Variants in NOP56 observed in about 807,000 individuals in gnomAD.
NOP56 encodes NOP56 ribonucleoprotein.
NOP56 carries 31 observed loss-of-function variants against 58.3 expected under a neutral mutation model. The observed-to-expected ratio is 0.53, with a 90% confidence interval of 0.40 to 0.72. The LOEUF is 0.72. NOP56 is among the 30% of genes least tolerant of loss of function. NOP56 has a pLI of 0.00. For missense variants in NOP56, 669 were observed against 739.9 expected (o/e 0.90, Z 1.11); for synonymous variants, 313 against 282.8 (o/e 1.11, Z -1.07).
chr20:2,653,514 AT>A, intron 3 of NOP56, 121 bp downstream of exon 3: 1 of 744,212 alleles, frequency 1.3e-6, no homozygotes, highest in Non-Finnish European at 2.4e-6. Context: ...GTGAGGCAGT[AT>A]TTGAGCCATA....
chr20:2,654,330 G>A (rs763742362), intron 3 of NOP56, 84 bp from the exon 4 acceptor site: 17 of 1,467,236 alleles, frequency 1.2e-5, no homozygotes, highest in Middle Eastern at 1.7e-4. Flanking sequence ...CAGCGTGCTC[G>A]GTGGGACCAG....
intron 3 of NOP56, chr20:2,653,923 GGTTGCA>G: frequency 3.0e-6 from 1 of 336,614 alleles, no homozygotes. Context: ...AAGGTGCTGA[GGTTGCA>G]GGCGCGAGCG....
Position 2,655,334 on chromosome 20 carries a change from C to T in NOP56, c.579C>T (p.Tyr193=), listed in dbSNP as rs2086803147. Residue 193 remains tyrosine, a synonymous_variant, in exon 6 of 12, where the codon TAC becomes TAT. Coordinates refer to ENST00000329276, the MANE Select transcript of NOP56 (RefSeq NM_006392.4). ...CTGTGGCTCTTTGCAGGGAGTGGTA[C>T]GGGTATCACTTTCCGGAGCTGGTGA... is the stretch of plus-strand genomic sequence containing the variant. ...NTFSMRVREW[Y]GYHFPELVKI... 4.3e-6 allele frequency: 7 copies of T among 1,613,966 alleles called. No individual in the cohort carries two copies. Among genetic ancestry groups the T allele is most frequent in the African/African-American group, 2.7e-5 (2 of 74,886 alleles).
At chr20:2,656,115 C>T (rs765683044) in intron 8 of NOP56, 81 bp downstream of exon 8, 4 of 1,613,052 alleles carry the variant, frequency 2.5e-6, no homozygotes, top group Admixed American at 3.3e-5. Context: ...TGATGGCTGA[C>T]CAGGGCTCCC....
In NOP56 at chr20:2,656,051, C is replaced by G; in HGVS notation, c.1010+17C>G. The G allele has an allele frequency of 6.2e-7, 1 of 1,614,114 alleles. No individual in the cohort carries two copies. The highest frequency in any genetic ancestry group is 8.5e-7 in the Non-Finnish European group (1 of 1,180,030). ...CCTGTTCAGGTACCAGTGAGGGCAC[C>G]TGCCCACAATCAGGTGCCACTTCTG... On this transcript the variant is annotated intron_variant, in intron 8 of 11. Coordinates refer to ENST00000329276, the MANE Select transcript of NOP56 (RefSeq NM_006392.4).
intron 1 of NOP56, 24 bp downstream of exon 1, chr20:2,652,687 G>T: frequency 6.8e-7 from 1 of 1,473,518 alleles, no homozygotes; most frequent in Admixed American, 2.6e-5. Context: ...GCGGGGCGCG[G>T]GCGACGCGAC....
intron 8 of NOP56, 112 bp from the exon 9 acceptor site, chr20:2,656,289 T>G (rs1801151594): frequency 6.2e-7 from 1 of 1,603,684 alleles, no homozygotes; most frequent in African/African-American, 1.3e-5. Context: ...AGATCCAATC[T>G]GGCCTGAGGC....
chr20:2,655,949 A>T lies in NOP56; in HGVS notation c.925A>T (p.Ile309Phe). 1 of 1,614,194 alleles carries T rather than the reference A, an allele frequency of 6.2e-7. No individual in the cohort carries two copies. The highest frequency in any genetic ancestry group is 1.1e-5 in the South Asian group (1 of 91,086). ...LIGEAVGARL[I>F]AHAGSLTNLA... is the part of the protein sequence containing the mutation. ...CTCTCTCCAGGTAGGTGCACGTCTC[A>T]TCGCACATGCTGGCAGCCTCACCAA... is the stretch of plus-strand genomic sequence containing the variant. Residue 309 changes from isoleucine (I) to phenylalanine (F), a missense_variant, in exon 8 of 12, where the codon ATC becomes TTC. Ile to Phe is a conservative substitution (Grantham distance 21, BLOSUM62 0). This residue lies in a region of NOP56 where 339 missense variants were observed against 430.5 expected (regional missense o/e 0.79). Transcript: ENST00000329276.
intron 11 of NOP56, 94 bp from the exon 12 acceptor site, chr20:2,657,835 G>A: frequency 2.2e-6 from 3 of 1,389,892 alleles, no homozygotes; most frequent in Non-Finnish European, 2.9e-6. Context: ...ACTGGGCAAT[G>A]TTAACGACAC....
intron 11 of NOP56, chr20:2,657,517 T>C (rs999879009): frequency 4.9e-6 from 3 of 608,734 alleles, no homozygotes; most frequent in Non-Finnish European, 9.2e-6. Context: ...CTGCTTATTA[T>C]CAGACGTGTG....
At position 2,654,675 on chromosome 20, in the gene NOP56, G is replaced by T; in HGVS notation, c.371-74G>T. 1.9e-6 allele frequency: 3 copies of T among 1,606,618 alleles called. No homozygotes were observed. The South Asian group carries it at 3.3e-5, about 18-fold the overall frequency. On this transcript the variant is annotated intron_variant, in intron 4 of 11. Transcript: ENST00000329276. ...GTTGTGATTTCTGGGAAGGCCTTCA[G>T]GCTGGGCTGGTGCCCGTGGGTGCGG...
rs887776159 is a variant in NOP56, at chr20:2,652,634, T to G, written c.-27T>G. The stretch of plus-strand genomic sequence containing the variant: ...GCGCGCCGGAGCGCGCTAGCCGCAT[T>G]GCGAGCCGAACCCGGGAGCTGGCGC... On this transcript the variant is annotated 5_prime_UTR_variant, in exon 1 of 12. In the 5' UTR this introduces an upstream ATG that the reference lacks. Coordinates refer to ENST00000329276, the MANE Select transcript of NOP56 (RefSeq NM_006392.4). 2.9e-5 allele frequency: 41 copies of G among 1,403,518 alleles called. 4 individuals are homozygous for G. Among genetic ancestry groups the G allele is most frequent in the Non-Finnish European group, 2.8e-6 (3 of 1,086,928 alleles). 86.9% of individuals were successfully genotyped at this position (1,403,518 alleles called of 1,614,324 possible).
intron 11 of NOP56, 130 bp downstream of exon 11, chr20:2,657,348 C>G (rs1369470903): frequency 7.9e-7 from 1 of 1,264,264 alleles, no homozygotes; most frequent in Non-Finnish European, 1.1e-6. Flanking sequence ...CCTGAAACAT[C>G]TAAAACTACC....
intron 3 of NOP56, 115 bp downstream of exon 3, chr20:2,653,508 G>A (rs749775362): frequency 1.2e-4 from 92 of 781,030 alleles, no homozygotes; most frequent in Non-Finnish European, 1.8e-4. Flanking sequence ...ATAGGCGTGA[G>A]GCAGTATTTG....
intron 10 of NOP56, 59 bp downstream of exon 10, chr20:2,656,954 G>A (rs756617800): frequency 5.6e-6 from 9 of 1,613,756 alleles, no homozygotes; most frequent in African/African-American, 4.0e-5. Context: ...GTGATGAACT[G>A]TCTGAGCCTG....
intron 11 of NOP56, 73 bp from the exon 12 acceptor site, chr20:2,657,856 G>A: frequency 6.7e-7 from 1 of 1,486,282 alleles, no homozygotes; most frequent in Non-Finnish European, 9.0e-7. Flanking sequence ...GCGTTCCCCT[G>A]CCTTGGCTAC....
At position 2,655,974 on chromosome 20, in the gene NOP56, A is replaced by G. The variant is rs1600158730; in HGVS notation, c.950A>G (p.Asn317Ser). ...RLIAHAGSLT[N>S]LAKYPASTVQ... ...ATCGCACATGCTGGCAGCCTCACCA[A>G]CCTGGCCAAGTATCCAGCATCCACA... Residue 317 changes from asparagine to serine, a missense_variant, in exon 8 of 12, where the codon AAC (asparagine) becomes AGC (serine). Around this residue, in one of 3 missense-constraint regions of NOP56, gnomAD observed 339 missense variants for 430.5 expected, o/e 0.79. Coordinates refer to ENST00000329276, the MANE Select transcript of NOP56 (RefSeq NM_006392.4). 6.2e-7 allele frequency: 1 copy of G among 1,614,044 alleles called. No homozygotes were observed.
intron 6 of NOP56, 22 bp from the exon 7 acceptor site, chr20:2,655,573 A>G (rs760565323): frequency 1.1e-5 from 17 of 1,614,168 alleles, no homozygotes; most frequent in Admixed American, 5.0e-5. Context: ...GGCCTCTTGC[A>G]TTCACACTTG....
Position 2,652,903 on chromosome 20 carries a change from TGGA to T in NOP56, c.70_72del (p.Glu24del), listed in dbSNP as rs1446681430. ...TACGCGCTGCTGGCGCTGAAGGAAG[TGGA>T]GGAGATCAGTCTGCTGCAGCCGCAG... is the stretch of plus-strand genomic sequence containing the variant. On this transcript the variant is annotated inframe_deletion, in exon 2 of 12. Transcript: ENST00000329276. 1.2e-6 allele frequency: 2 copies of T among 1,609,218 alleles called. No homozygotes were observed. Among genetic ancestry groups the T allele is most frequent in the Middle Eastern group, 1.7e-4 (1 of 5,908 alleles).
Sources: gnomAD v4.1 joint callset for allele counts on GRCh38, gnomAD v4.1.1 for gene constraint, gnomAD v4.1.1 regional missense constraint, MANE v1.5 for transcripts, NCBI Gene and HGNC (gene_info 2026-07-23, HGNC 2026-07-21) for gene names.